Variants in LRP1B observed in about 807,000 individuals in gnomAD.
The protein encoded by LRP1B is low-density lipoprotein receptor-related protein 1B.
A neutral mutation model predicts 556.6 loss-of-function variants in LRP1B; 217 were observed. That is an observed-to-expected ratio of 0.39 (90% CI 0.35 to 0.44). The LOEUF (loss-of-function observed/expected upper bound fraction) is 0.44, where lower values mean the gene tolerates loss of function less well. Ranked by LOEUF, LRP1B falls within the 20% of genes least tolerant of loss-of-function variation. The pLI is 1.00. For synonymous variants in LRP1B, 2,047 were observed against 1,865.8 expected, an observed-to-expected ratio of 1.10 and a Z score of -2.50; for missense variants, 5,053 against 5,620.8, an observed-to-expected ratio of 0.90 and a Z score of 3.23.
chr2:140,912,484 T>A (rs1694448930), intron 21 of LRP1B, among the ~76,000 whole-genome samples: 2 of 151,634 alleles, frequency 1.3e-5, no homozygotes, highest in South Asian at 4.1e-4. Flanking sequence ...TAAAATAAAG[T>A]TTTTTAAATG....
At chr2:141,303,891 G>A (rs558028369) in intron 3 of LRP1B, among the ~76,000 whole-genome samples, 15 of 152,126 alleles carry the variant, frequency 9.9e-5, no homozygotes, top group African/African-American at 3.6e-4. Context: ...CAATGTATGA[G>A]TTTTCTTTTC....
At chr2:140,685,789 A>T (rs1686026058) in intron 41 of LRP1B, among the ~76,000 whole-genome samples, 1 of 152,188 alleles carries the variant, frequency 6.6e-6, no homozygotes, top group Non-Finnish European at 1.5e-5. Flanking sequence ...TTTTGATTAG[A>T]AGAGGTGCAG....
At chr2:141,803,701 C>A (rs947138081) in intron 2 of LRP1B, among the ~76,000 whole-genome samples, 10 of 152,078 alleles carry the variant, frequency 6.6e-5, no homozygotes, top group African/African-American at 2.2e-4. Flanking sequence ...TTTCTATAGT[C>A]TACTTTCAGT....
intron 3 of LRP1B, among the ~76,000 whole-genome samples, chr2:141,326,824 G>A (rs1457759139): frequency 6.6e-6 from 1 of 152,138 alleles, no homozygotes; most frequent in Non-Finnish European, 1.5e-5. Context: ...GCTTTATCTG[G>A]AAAGCCCTGA....
intron 41 of LRP1B, among the ~76,000 whole-genome samples, chr2:140,649,851 T>A (rs79436196): frequency 0.02 from 3,104 of 152,318 alleles, 141 homozygotes; most frequent in East Asian, 0.19. Context: ...TACACCTGGA[T>A]GGTTATAGTT....
intron 2 of LRP1B, among the ~76,000 whole-genome samples, chr2:141,762,076 T>C (rs1274412135): frequency 6.6e-6 from 1 of 152,044 alleles, no homozygotes; most frequent in Non-Finnish European, 1.5e-5. Context: ...ATGGTTATTG[T>C]CTTTTTTTTT....
chr2:141,815,538 A>ATAAAATGCACCAATCAGTGCTCTG (rs1696513420), intron 1 of LRP1B, among the ~76,000 whole-genome samples: 2 of 152,044 alleles, frequency 1.3e-5, no homozygotes. Context: ...TCAGCACTCT[A>ATAAAATGCACCAATCAGTGCTCTG]TAAAATGCAC....
chr2:141,215,573 C>A (rs1404224893), intron 6 of LRP1B, among the ~76,000 whole-genome samples: 1 of 152,110 alleles, frequency 6.6e-6, no homozygotes, highest in Non-Finnish European at 1.5e-5. Flanking sequence ...AATGCTGATA[C>A]TAATATGGAC....
At chr2:140,613,532 G>A (rs540774574) in intron 41 of LRP1B, among the ~76,000 whole-genome samples, 7 of 150,366 alleles carry the variant, frequency 4.7e-5, no homozygotes, top group Non-Finnish European at 7.4e-5. Context: ...CCAACTATAA[G>A]AATCTTCATG....
At chr2:140,784,235 A>T (rs1266979511) in intron 32 of LRP1B, among the ~76,000 whole-genome samples, 1 of 152,012 alleles carries the variant, frequency 6.6e-6, no homozygotes, top group Non-Finnish European at 1.5e-5. Flanking sequence ...GCTAAATTAG[A>T]CCTCAGTCCC....
intron 7 of LRP1B, among the ~76,000 whole-genome samples, chr2:141,183,563 GA>G (rs1681105866): frequency 6.6e-6 from 1 of 151,970 alleles, no homozygotes; most frequent in East Asian, 1.9e-4. Flanking sequence ...ACAGAACAAA[GA>G]CAACACACTT....
chr2:140,582,680 C>A (rs1044184875), intron 43 of LRP1B, among the ~76,000 whole-genome samples: 1 of 152,112 alleles, frequency 6.6e-6, no homozygotes, highest in Non-Finnish European at 1.5e-5. Context: ...GAGAGGCAGG[C>A]CTTCACCAGA....
chr2:140,789,095 G>A (rs1281216101), intron 32 of LRP1B, among the ~76,000 whole-genome samples: 2 of 152,194 alleles, frequency 1.3e-5, no homozygotes, highest in Non-Finnish European at 2.9e-5. Context: ...GGCCCTAGGA[G>A]ACTAATATAC....
chr2:140,719,964 C>A (rs958535052), intron 35 of LRP1B, among the ~76,000 whole-genome samples: 1 of 151,804 alleles, frequency 6.6e-6, no homozygotes, highest in African/African-American at 2.4e-5. Context: ...GGAGTATCTG[C>A]AAAATAAACA....
At chr2:140,842,066 G>T (rs1365468741) in intron 29 of LRP1B, among the ~76,000 whole-genome samples, 1 of 152,174 alleles carries the variant, frequency 6.6e-6, no homozygotes, top group African/African-American at 2.4e-5. Context: ...CAGTAGTTCT[G>T]GGGAGAGGCC....
intron 1 of LRP1B, among the ~76,000 whole-genome samples, chr2:141,862,755 T>C (rs567553770): frequency 1.3e-5 from 2 of 152,290 alleles, no homozygotes; most frequent in African/African-American, 4.8e-5. Context: ...GTTTATATCA[T>C]AGCCATACAG....
At chr2:140,664,844 A>C (rs978946971) in intron 41 of LRP1B, among the ~76,000 whole-genome samples, 1 of 152,124 alleles carries the variant, frequency 6.6e-6, no homozygotes, top group African/African-American at 2.4e-5. Context: ...GAAAAACATT[A>C]TAAAAAAAAT....
chr2:140,484,061 A>G (rs1017268211), intron 59 of LRP1B, among the ~76,000 whole-genome samples: 8 of 152,190 alleles, frequency 5.3e-5, no homozygotes, highest in African/African-American at 1.9e-4. Flanking sequence ...TAAAACATAC[A>G]TATAAAGAGA....
At chr2:140,977,170 GA>G (rs1329366560) in intron 18 of LRP1B, among the ~76,000 whole-genome samples, 3 of 152,080 alleles carry the variant, frequency 2.0e-5, no homozygotes, top group Non-Finnish European at 4.4e-5. Flanking sequence ...GACCCAGTGG[GA>G]GGTAATTGAA....
Sources: allele counts gnomAD v4.1 joint callset (sites outside exome capture counted in the v4.1 genomes callset), GRCh38; gene constraint gnomAD v4.1.1; transcripts MANE v1.5; gene names NCBI Gene and HGNC (gene_info 2026-07-23, HGNC 2026-07-21).